Variants in ALDH2 observed in about 807,000 individuals in gnomAD.
ALDH2 encodes the protein aldehyde dehydrogenase, mitochondrial.
In ALDH2, 44 loss-of-function variants were observed where a neutral mutation model predicts 59.6. The ratio of observed to expected loss-of-function variants is 0.74; its 90% CI spans 0.58 to 0.95. ALDH2 has a LOEUF of 0.95. Among genes scored for constraint, ALDH2 ranks in the 40% least tolerant of loss-of-function variants. The pLI is 0.00. For missense variants in ALDH2, 570 were observed against 696.3 expected, an observed-to-expected ratio of 0.82 and a Z score of 2.04; for synonymous variants, 291 against 284.0, an observed-to-expected ratio of 1.02 and a Z score of -0.25.
rs2068525695 is a variant in ALDH2, at chr12:111,810,181, G to C, written c.*606G>C. 6.5e-6 allele frequency: 1 copy of C among 154,930 alleles called. No individual in the cohort carries two copies. The highest frequency in any genetic ancestry group is 1.4e-5 in the Non-Finnish European group (1 of 69,848). 9.6% of individuals were successfully genotyped at this position (154,930 alleles called of 1,614,324 possible). A position where few individuals can be genotyped will look rare whatever the true frequency, so the allele number is the denominator to read the frequency against. ...TAGGCAGTCATGGTGGCTGGCACCTGTAATCCCAGCTACTTGGGAGGCTGA... is the reference window on the plus strand; with the variant it reads ...TAGGCAGTCATGGTGGCTGGCACCTCTAATCCCAGCTACTTGGGAGGCTGA... On this transcript the variant is annotated 3_prime_UTR_variant, in exon 13 of 13. Coordinates refer to ENST00000261733, the MANE Select transcript of ALDH2 (RefSeq NM_000690.4).
In ALDH2 at chr12:111,774,824, C is replaced by G. The variant is rs781165385; in HGVS notation, c.115-7094C>G. On this transcript the variant is annotated intron_variant, in intron 1 of 12. Transcript: ENST00000261733. ...CACTGACCCTGCCCCAGCTCCTGAGCCCCTCGACCACCACAATCACCACTA... is the reference window on the plus strand; with the variant it reads ...CACTGACCCTGCCCCAGCTCCTGAGGCCCTCGACCACCACAATCACCACTA... 1.8e-3 allele frequency among the ~76,000 whole-genome samples: 278 copies of G among 152,208 alleles called. 1 individual carries two copies. Among genetic ancestry groups the G allele is most frequent in the Non-Finnish European group, 1.5e-3 (105 of 68,004 alleles).
chr12:111,767,754 C>A (rs1445436097), intron 1 of ALDH2, among the ~76,000 whole-genome samples: 1 of 152,206 alleles, frequency 6.6e-6, no homozygotes, highest in Non-Finnish European at 1.5e-5. Context: ...TTATTGATTG[C>A]TCAATCAGTA....
Position 111,790,509 on chromosome 12 carries a change from G to A in ALDH2, c.628G>A (p.Val210Ile), listed in dbSNP as rs756140607. The A allele has an allele frequency of 1.9e-6, 3 of 1,614,172 alleles. No homozygotes were observed. In the Admixed American group the frequency reaches 5.0e-5, roughly 27 times the overall value. The change falls in exon 6 of 13, where the codon GTA (valine) becomes ATA (isoleucine). Residue 210 changes from valine to isoleucine, a missense_variant. Coordinates refer to ENST00000261733, the MANE Select transcript of ALDH2 (RefSeq NM_000690.4). ...LATGNVVVMKVAEQTPLTALY... is the reference protein window; with the variant it reads ...LATGNVVVMKIAEQTPLTALY... ...AACTGGAAACGTGGTTGTGATGAAGGTAGCTGAGCAGACACCCCTCACCGC... is the reference window on the plus strand; with the variant it reads ...AACTGGAAACGTGGTTGTGATGAAGATAGCTGAGCAGACACCCCTCACCGC...
chr12:111,808,431 G>A (rs201209188), intron 12 of ALDH2, among the ~76,000 whole-genome samples: 4 of 152,234 alleles, frequency 2.6e-5, no homozygotes, highest in South Asian at 4.1e-4. Context: ...GCGGCCAGGC[G>A]CGGTGGCTCA....
intron 3 of ALDH2, among the ~76,000 whole-genome samples, chr12:111,784,119 C>T (rs886181005): frequency 1.9e-4 from 29 of 152,160 alleles, no homozygotes; most frequent in African/African-American, 7.0e-4. Flanking sequence ...TCTGTAAGAC[C>T]AGCCTGTAAC....
At chr12:111,787,073 G>A (rs543519552) in intron 4 of ALDH2, among the ~76,000 whole-genome samples, 1 of 152,174 alleles carries the variant, frequency 6.6e-6, no homozygotes, top group African/African-American at 2.4e-5. Flanking sequence ...GGCAGTAGTG[G>A]CGCATGCCTG....
intron 4 of ALDH2, 90 bp from the exon 5 acceptor site, chr12:111,789,733 C>G: frequency 1.8e-6 from 2 of 1,087,056 alleles, no homozygotes; most frequent in South Asian, 2.7e-5. Flanking sequence ...AAAGACTCAG[C>G]TGGACCAGTT....
At chr12:111,770,027 C>A (rs1773354128) in intron 1 of ALDH2, among the ~76,000 whole-genome samples, 1 of 151,944 alleles carries the variant, frequency 6.6e-6, no homozygotes, top group Non-Finnish European at 1.5e-5. Flanking sequence ...ACCTGTAATC[C>A]CAGCTACTTG....
At chr12:111,783,721 G>T (rs2068290260) in intron 3 of ALDH2, among the ~76,000 whole-genome samples, 1 of 152,170 alleles carries the variant, frequency 6.6e-6, no homozygotes, top group East Asian at 1.9e-4. Flanking sequence ...TGTTGGCCAG[G>T]CTGGTCTCCA....
rs1234370859 is a variant in ALDH2, at chr12:111,804,004, C to T, written c.1521+31C>T. 7 of 1,539,096 alleles carry T rather than the reference C, an allele frequency of 4.5e-6. No homozygotes were observed. In the East Asian group the frequency reaches 1.7e-4, roughly 37 times the overall value. On this transcript the variant is annotated intron_variant, in intron 12 of 12. Coordinates refer to ENST00000261733, the MANE Select transcript of ALDH2 (RefSeq NM_000690.4). ...TGTGGGACCTGCTGGGGGCTCAGGG[C>T]CTGTTGGGGCTTGAGGGTCTGCTGG...
intron 11 of ALDH2, 136 bp downstream of exon 11, chr12:111,800,199 T>C (rs1176533293): frequency 1.4e-5 from 15 of 1,110,446 alleles, no homozygotes; most frequent in African/African-American, 1.6e-5. Flanking sequence ...TGATGTCGAT[T>C]TGAGAGGTCC....
chr12:111,798,177 G>C lies in ALDH2; in HGVS notation c.1183G>C (p.Gly395Arg). Residue 395 changes from glycine to arginine, a missense_variant, in exon 10 of 13, where the codon GGT (glycine) becomes CGT (arginine). Physicochemically the swap from Gly to Arg is moderately radical, Grantham distance 125 (BLOSUM62 -2). Coordinates refer to ENST00000261733, the MANE Select transcript of ALDH2 (RefSeq NM_000690.4). The stretch of plus-strand genomic sequence containing the variant: ...TGGTGGGGGCATTGCTGCTGACCGT[G>C]GTTACTTCATCCAGCCCACTGTGTT... ...LCGGGIAADR[G>R]YFIQPTVFGD... 6.2e-7 allele frequency: 1 copy of C among 1,609,340 alleles called. No individual in the cohort carries two copies. The highest frequency in any genetic ancestry group is 8.5e-7 in the Non-Finnish European group (1 of 1,177,644).
chr12:111,768,875 A>G (rs1391295792), intron 1 of ALDH2, among the ~76,000 whole-genome samples: 3 of 151,710 alleles, frequency 2.0e-5, no homozygotes, highest in African/African-American at 4.8e-5. Flanking sequence ...TCCCAGCTAT[A>G]TGGGAGGCCG....
intron 8 of ALDH2, 47 bp downstream of exon 8, chr12:111,792,210 C>T: frequency 1.4e-6 from 2 of 1,420,874 alleles, no homozygotes; most frequent in Non-Finnish European, 2.0e-6. Context: ...TAGCCCTGGC[C>T]ACCTGTGTTG....
At chr12:111,788,269 C>T (rs1228624484) in intron 4 of ALDH2, among the ~76,000 whole-genome samples, 2 of 152,072 alleles carry the variant, frequency 1.3e-5, no homozygotes, top group Non-Finnish European at 2.9e-5. Flanking sequence ...TGCACACAGC[C>T]AGGGCAATCA....
At position 111,780,761 on chromosome 12, in the gene ALDH2, T is replaced by C. The variant is rs1011918562; in HGVS notation, c.115-1157T>C. Reference sequence around the variant, plus strand: ...TCTTTGTTGGCTTTTGGCTGTACTGTGTCCTCAGCCCTAGAACTGTGCCTG... The same window carrying C: ...TCTTTGTTGGCTTTTGGCTGTACTGCGTCCTCAGCCCTAGAACTGTGCCTG... On this transcript the variant is annotated intron_variant, in intron 1 of 12. Transcript: ENST00000261733. Among the ~76,000 whole-genome samples the C allele has an allele frequency of 2.6e-5, 4 of 152,168 alleles. No individual in the cohort carries two copies. In the East Asian group the frequency reaches 7.7e-4, roughly 29 times the overall value.
chr12:111,769,420 AAAATAAAT>A (rs1211251088), intron 1 of ALDH2, among the ~76,000 whole-genome samples: 1 of 152,220 alleles, frequency 6.6e-6, no homozygotes, highest in Admixed American at 6.5e-5. Context: ...CATCTCTTAA[AAAATAAAT>A]AAATAAATAA....
chr12:111,794,317 C>T (rs113056077), intron 9 of ALDH2, among the ~76,000 whole-genome samples: 12 of 152,144 alleles, frequency 7.9e-5, no homozygotes, highest in African/African-American at 2.6e-4. Flanking sequence ...TGTGCCTGGC[C>T]GATCTTTTTA....
chr12:111,794,425 C>G (rs918256825), intron 9 of ALDH2, among the ~76,000 whole-genome samples: 3 of 152,164 alleles, frequency 2.0e-5, no homozygotes, highest in African/African-American at 4.8e-5. Flanking sequence ...GTTTGCATTT[C>G]TGATTCCTCA....
Sources: allele counts gnomAD v4.1 joint callset (sites outside exome capture counted in the v4.1 genomes callset), GRCh38; gene constraint gnomAD v4.1.1; transcripts MANE v1.5; gene names NCBI Gene and HGNC (gene_info 2026-07-23, HGNC 2026-07-21).